Variants in MAMLD1 observed in about 807,000 individuals in gnomAD.
The protein encoded by MAMLD1 is mastermind-like domain-containing protein 1.
A neutral mutation model predicts 45.0 loss-of-function variants in MAMLD1; 14 were observed. The observed-to-expected ratio is 0.31, with a 90% CI of 0.21 to 0.49. The LOEUF is 0.49. Among genes scored for constraint, MAMLD1 ranks in the 20% least tolerant of loss-of-function variants. The probability of loss-of-function intolerance (pLI) is 0.99; values close to 1 mark genes in which losing one functional copy is unlikely to be tolerated. For missense variants in MAMLD1, 543 were observed against 603.6 expected, an observed-to-expected ratio of 0.90 and a Z score of 1.05; for synonymous variants, 254 against 247.8, an observed-to-expected ratio of 1.02 and a Z score of -0.24.
intron 1 of MAMLD1, among the ~76,000 whole-genome samples, chrX:150,429,106 A>G (rs2034821926): frequency 9.1e-6 from 1 of 110,482 alleles, no homozygotes; most frequent in South Asian, 3.9e-4. Flanking sequence ...GCCTATCTGG[A>G]TGAGGGAGTT....
intron 3 of MAMLD1, among the ~76,000 whole-genome samples, chrX:150,468,384 G>A (rs2036289893): frequency 9.0e-6 from 1 of 111,287 alleles, no homozygotes; most frequent in Non-Finnish European, 1.9e-5. Context: ...GATGAGCACT[G>A]TATGTCCTAG....
chrX:150,459,706 C>T (rs1409895063), intron 2 of MAMLD1, among the ~76,000 whole-genome samples: 5 of 110,417 alleles, frequency 4.5e-5, no homozygotes, highest in African/African-American at 1.3e-4. Context: ...TGGAACTGTA[C>T]CTGTCACTTA....
chrX:150,394,458 A>G (rs2033339360), intron 1 of MAMLD1, among the ~76,000 whole-genome samples: 1 of 110,933 alleles, frequency 9.0e-6, no homozygotes, highest in Non-Finnish European at 1.9e-5. Flanking sequence ...ACTTTAAAAT[A>G]AGTTTGTTGG....
At chrX:150,438,523 C>T (rs1250190765) in intron 1 of MAMLD1, among the ~76,000 whole-genome samples, 1 of 112,056 alleles carries the variant, frequency 8.9e-6, no homozygotes, top group Non-Finnish European at 1.9e-5. Flanking sequence ...TCTTCCCCTC[C>T]CCTCAGTTCG....
Position 150,385,277 on chromosome X carries a change from TACACAC to T in MAMLD1, c.-64+21779_-64+21784del, listed in dbSNP as rs3066918. ...TTTCTTCTTTATGCCTGAACAATACTACACACACACACACACACACACACACACACA... is the reference window on the plus strand; with the variant it reads ...TTTCTTCTTTATGCCTGAACAATACTACACACACACACACACACACACACA... On this transcript the variant is annotated intron_variant, in intron 1 of 7. Coordinates refer to ENST00000370401, the MANE Select transcript of MAMLD1 (RefSeq NM_005491.5). Among the ~76,000 whole-genome samples, 736 of 94,038 alleles carry T rather than the reference TACACAC, an allele frequency of 7.8e-3. 6 individuals are homozygous for T. The highest frequency in any genetic ancestry group is 0.027 in the African/African-American group (690 of 25,469). The allele number at this position is 94,038 out of a possible 115,157, so 81.7% of individuals were successfully genotyped here.
chrX:150,468,911 G>A (rs1411224612), intron 3 of MAMLD1, among the ~76,000 whole-genome samples: 1 of 110,952 alleles, frequency 9.0e-6, no homozygotes, highest in Non-Finnish European at 1.9e-5. Flanking sequence ...CCAAATAAAT[G>A]ACCACTCCAA....
intron 1 of MAMLD1, among the ~76,000 whole-genome samples, chrX:150,382,756 A>G (rs1603221557): frequency 9.0e-6 from 1 of 111,358 alleles, no homozygotes; most frequent in East Asian, 2.8e-4. Flanking sequence ...GGGAAATACA[A>G]TAAGTGAAAA....
intron 1 of MAMLD1, among the ~76,000 whole-genome samples, chrX:150,444,644 A>G (rs2035429674): frequency 8.9e-6 from 1 of 112,030 alleles, no homozygotes; most frequent in African/African-American, 3.3e-5. Flanking sequence ...TTTAGACTTG[A>G]GATTTTAGAG....
At chrX:150,369,381 G>C (rs1377473257) in intron 1 of MAMLD1, among the ~76,000 whole-genome samples, 1 of 112,298 alleles carries the variant, frequency 8.9e-6, no homozygotes, top group East Asian at 2.8e-4. Context: ...GAAACATCAA[G>C]TTCAACCTTG....
At chrX:150,504,450 T>C in intron 6 of MAMLD1, 4 of 750,206 alleles carry the variant, frequency 5.3e-6, no homozygotes, top group Non-Finnish European at 4.7e-6. Context: ...CTGCCTGCCC[T>C]GGCCTGGAAG....
intron 5 of MAMLD1, among the ~76,000 whole-genome samples, chrX:150,482,983 G>C (rs1161006239): frequency 8.9e-6 from 1 of 112,363 alleles, no homozygotes; most frequent in East Asian, 2.8e-4. Context: ...ATGACTCACA[G>C]TTTGCTGAGT....
intron 1 of MAMLD1, among the ~76,000 whole-genome samples, chrX:150,379,036 C>A (rs2032471770): frequency 8.9e-6 from 1 of 112,100 alleles, no homozygotes; most frequent in South Asian, 3.7e-4. Context: ...CCCTCTCAGT[C>A]CACAAAGCTA....
chrX:150,453,326 C>T (rs2035729568), intron 2 of MAMLD1, among the ~76,000 whole-genome samples: 1 of 112,150 alleles, frequency 8.9e-6, no homozygotes, highest in South Asian at 3.7e-4. Context: ...ACATGGCCTG[C>T]GAAGCCTGAG....
chrX:150,483,686 C>T (rs1569564986), intron 5 of MAMLD1, among the ~76,000 whole-genome samples: 1 of 112,601 alleles, frequency 8.9e-6, no homozygotes, highest in South Asian at 3.7e-4. Flanking sequence ...TGTCTGAAAA[C>T]ATGTGATTTC....
intron 1 of MAMLD1, among the ~76,000 whole-genome samples, chrX:150,406,739 C>T (rs1450837589): frequency 3.6e-5 from 4 of 111,707 alleles, no homozygotes; most frequent in African/African-American, 1.3e-4. Context: ...ATGATTCAGC[C>T]CCAAGAGGAT....
chrX:150,447,267 T>G (rs2035519756), intron 2 of MAMLD1, among the ~76,000 whole-genome samples: 1 of 112,657 alleles, frequency 8.9e-6, no homozygotes, highest in Non-Finnish European at 1.9e-5. Flanking sequence ...ATCAGCCCTC[T>G]GCCTCCTCTA....
In MAMLD1 at chrX:150,393,919, T is replaced by C. The variant is rs1378545790; in HGVS notation, c.-64+30389T>C. Among the ~76,000 whole-genome samples the C allele has an allele frequency of 2.7e-5, 3 of 111,128 alleles. No individual in the cohort carries two copies. In the South Asian group the frequency reaches 1.1e-3, roughly 41 times the overall value. ...TTCATTCTCTTTGCAGAGCTGAAGT[T>C]TTCCATTTTAATGAAGTCCAGGTTA... On this transcript the variant is annotated intron_variant, in intron 1 of 7. Transcript: ENST00000370401.
chrX:150,373,988 T>G (rs1479341575), intron 1 of MAMLD1, among the ~76,000 whole-genome samples: 1 of 111,841 alleles, frequency 8.9e-6, no homozygotes, highest in Non-Finnish European at 1.9e-5. Context: ...ACTGCCTGGT[T>G]GCCAAGGTTT....
At chrX:150,425,198 T>C (rs1019169416) in intron 1 of MAMLD1, among the ~76,000 whole-genome samples, 9 of 112,115 alleles carry the variant, frequency 8.0e-5, no homozygotes, top group Non-Finnish European at 1.5e-4. Flanking sequence ...AGTGTTTCTA[T>C]GAACATTCCT....
Sources: allele counts gnomAD v4.1 joint callset (sites outside exome capture counted in the v4.1 genomes callset), GRCh38; gene constraint gnomAD v4.1.1; transcripts MANE v1.5; gene names NCBI Gene and HGNC (gene_info 2026-07-23, HGNC 2026-07-21).